The following WARS2 variants were observed in gnomAD, a reference collection of about 807,000 sequenced individuals.
The protein encoded by WARS2 is tryptophan--tRNA ligase, mitochondrial.
Under a neutral mutation model 36.5 loss-of-function variants are expected in WARS2, and 28 were observed. The observed-to-expected ratio is 0.77, with a 90% CI of 0.57 to 1.05. The LOEUF is 1.05. Among genes scored for constraint, WARS2 ranks in the 50% least tolerant of loss-of-function variants. WARS2 has a pLI of 0.00. For synonymous variants in WARS2, 174 were observed against 178.4 expected (o/e 0.98, Z 0.20); for missense variants, 435 against 456.8 (o/e 0.95, Z 0.44).
At chr1:119,052,073 T>A (rs1649413422) in intron 2 of WARS2, among the ~76,000 whole-genome samples, 1 of 152,154 alleles carries the variant, frequency 6.6e-6, no homozygotes. Flanking sequence ...GCTGTATTTT[T>A]AAAGATTTGA....
intron 1 of WARS2, chr1:119,085,655 G>C: frequency 1.4e-6 from 2 of 1,419,428 alleles, no homozygotes; most frequent in Non-Finnish European, 2.0e-6. Context: ...CTTTGATCTT[G>C]ATCCCATTAA....
intron 2 of WARS2, among the ~76,000 whole-genome samples, chr1:119,070,672 G>A (rs1166950655): frequency 6.6e-6 from 1 of 152,004 alleles, no homozygotes. Flanking sequence ...GAGCCCAGGA[G>A]TTTGGGGCTG....
chr1:119,047,038 C>T (rs903219520), intron 2 of WARS2, among the ~76,000 whole-genome samples: 14 of 152,158 alleles, frequency 9.2e-5, no homozygotes. Flanking sequence ...TTGCAAGTCC[C>T]TGGGCTGAAT....
At chr1:119,085,062 T>C in intron 1 of WARS2, 2 of 722,826 alleles carry the variant, frequency 2.8e-6, no homozygotes, top group Non-Finnish European at 5.1e-6. Context: ...GGTCCTTTTA[T>C]GCCTATGGGA....
chr1:119,076,965 C>G (rs949741682), intron 1 of WARS2, among the ~76,000 whole-genome samples: 1 of 151,588 alleles, frequency 6.6e-6, no homozygotes, highest in African/African-American at 2.4e-5. Context: ...CATGGTGAAA[C>G]CCCGTCTCTA....
chr1:119,082,350 T>A, intron 1 of WARS2: 1 of 985,444 alleles, frequency 1.0e-6, no homozygotes, highest in Non-Finnish European at 1.2e-6. Flanking sequence ...CATCCTTCTA[T>A]CATGTGATGG....
intron 1 of WARS2, among the ~76,000 whole-genome samples, chr1:119,120,865 T>C (rs1655284246): frequency 6.6e-6 from 1 of 151,922 alleles, no homozygotes; most frequent in African/African-American, 2.4e-5. Flanking sequence ...TTAAAACCCT[T>C]AGGAAAATTA....
chr1:119,127,098 C>A lies in WARS2; in HGVS notation c.90+13457G>T, dbSNP rs114036044. ...ATCAGTAAGACTCACTTCAAGCACA[C>A]AACCCTCAAAGCCATCAGATGCAAT... On this transcript the variant is annotated intron_variant, in intron 1 of 5. Transcript: ENST00000235521. The A allele has an allele frequency of 2.5e-3, 1,836 of 742,836 alleles. 28 individuals carry two copies. The African/African-American group carries it at 0.027, about 11-fold the overall frequency. The allele number at this position is 742,836 out of a possible 1,614,324, so 46.0% of individuals were successfully genotyped here.
intron 1 of WARS2, among the ~76,000 whole-genome samples, chr1:119,137,641 T>A (rs1019885758): frequency 6.6e-6 from 1 of 152,208 alleles, no homozygotes; most frequent in African/African-American, 2.4e-5. Flanking sequence ...CCTAATACCA[T>A]CAACATTTAA....
intron 1 of WARS2, among the ~76,000 whole-genome samples, chr1:119,088,105 C>G (rs1012598170): frequency 6.6e-6 from 1 of 152,078 alleles, no homozygotes; most frequent in Non-Finnish European, 1.5e-5. Flanking sequence ...GGTTTTTGGG[C>G]AACAATAATC....
intron 4 of WARS2, among the ~76,000 whole-genome samples, chr1:119,041,539 T>TCTAA (rs1326838538): frequency 6.6e-6 from 1 of 152,122 alleles, no homozygotes; most frequent in Non-Finnish European, 1.5e-5. Flanking sequence ...AACCTGTAGG[T>TCTAA]CTAATACAGT....
intron 4 of WARS2, among the ~76,000 whole-genome samples, chr1:119,041,347 C>T (rs1165470635): frequency 2.0e-5 from 3 of 152,036 alleles, no homozygotes; most frequent in Non-Finnish European, 4.4e-5. Flanking sequence ...GAGGGGTTTG[C>T]ACGGAAGAAT....
intron 5 of WARS2, among the ~76,000 whole-genome samples, chr1:119,033,610 G>T (rs1380599641): frequency 6.6e-6 from 1 of 152,078 alleles, no homozygotes; most frequent in Non-Finnish European, 1.5e-5. Flanking sequence ...TATAAAATAG[G>T]CTTTGTGTTA....
chr1:119,129,851 C>T (rs1486017525), intron 1 of WARS2, among the ~76,000 whole-genome samples: 1 of 152,118 alleles, frequency 6.6e-6, no homozygotes, highest in Non-Finnish European at 1.5e-5. Flanking sequence ...GCTTTCCTGA[C>T]CAACTACTAT....
intron 2 of WARS2, chr1:119,062,977 G>A: frequency 6.5e-6 from 1 of 153,038 alleles, no homozygotes; most frequent in Non-Finnish European, 1.5e-5. Context: ...TGGGTAACAG[G>A]CAGAGATTGG....
At chr1:119,131,164 G>A (rs1039960764) in intron 1 of WARS2, among the ~76,000 whole-genome samples, 3 of 152,142 alleles carry the variant, frequency 2.0e-5, no homozygotes, top group Non-Finnish European at 2.9e-5. Context: ...TTTTGGAACC[G>A]ATATCTGAGG....
At chr1:119,103,453 C>T (rs760323106) in intron 1 of WARS2, among the ~76,000 whole-genome samples, 1 of 152,204 alleles carries the variant, frequency 6.6e-6, no homozygotes. Context: ...ATATCAGGCC[C>T]ATACCTAGTA....
intron 2 of WARS2, among the ~76,000 whole-genome samples, chr1:119,046,957 T>C (rs920220915): frequency 1.3e-5 from 2 of 152,162 alleles, no homozygotes; most frequent in Non-Finnish European, 2.9e-5. Context: ...TAGTTTCTCA[T>C]TTTTTTCCTC....
intron 2 of WARS2, among the ~76,000 whole-genome samples, chr1:119,066,213 C>CA (rs1480818467): frequency 6.6e-6 from 1 of 152,054 alleles, no homozygotes; most frequent in Non-Finnish European, 1.5e-5. Flanking sequence ...TGCGGTGGCT[C>CA]ACGCCTGTAA....
Sources: allele counts gnomAD v4.1 joint callset (sites outside exome capture counted in the v4.1 genomes callset), GRCh38; gene constraint gnomAD v4.1.1; transcripts MANE v1.5; gene names NCBI Gene and HGNC (gene_info 2026-07-23, HGNC 2026-07-21).